The following CYGB variants were observed in gnomAD, a reference collection of about 807,000 sequenced individuals.
CYGB encodes the protein cytoglobin.
A neutral mutation model predicts 20.7 loss-of-function variants in CYGB; 13 were observed. The observed-to-expected ratio is 0.63, with a 90% confidence interval of 0.41 to 1.00. The LOEUF (loss-of-function observed/expected upper bound fraction) is 1.00, where lower values mean the gene tolerates loss of function less well. Among genes scored for constraint, CYGB ranks in the 50% least tolerant of loss-of-function variants. The pLI is 0.00. For missense variants in CYGB, 218 were observed against 257.2 expected (o/e 0.85, Z 1.04); for synonymous variants, 93 against 107.4 (o/e 0.87, Z 0.83).
chr17:76,545,488 G>A, intron 1 of CYGB: 1 of 410,664 alleles, frequency 2.4e-6, no homozygotes, highest in South Asian at 1.7e-5. Flanking sequence ...GGCAGCTAGA[G>A]AGGGAGAGCT....
chr17:76,533,822 G>A lies in CYGB; in HGVS notation c.144-2131C>T, dbSNP rs1249386330. Among the ~76,000 whole-genome samples the A allele has an allele frequency of 6.6e-6, 1 of 152,146 alleles. No individual in the cohort carries two copies. The highest frequency in any genetic ancestry group is 1.5e-5 in the Non-Finnish European group (1 of 68,028). On this transcript the variant is annotated intron_variant, in intron 1 of 3. Coordinates refer to ENST00000293230, the MANE Select transcript of CYGB (RefSeq NM_134268.5). This position sits in a 1 kb window ranked among gnomAD's most constrained non-coding sequence, Gnocchi z 4.5. ...AGGCAGGAAGATCACTTGAGGCCAGGAGTTTGAGACCAGCCTGGGCAACAT... is the reference window on the plus strand; with the variant it reads ...AGGCAGGAAGATCACTTGAGGCCAGAAGTTTGAGACCAGCCTGGGCAACAT...
Position 76,534,920 on chromosome 17 carries a change from A to C in CYGB, c.143+2480T>G, listed in dbSNP as rs143912471. Reference sequence around the variant, plus strand: ...CCTGGCTCTGCGGTGTTTCCACCTGAGACCCTCCCGGTCTCAGCCTGTGCT... The same window carrying C: ...CCTGGCTCTGCGGTGTTTCCACCTGCGACCCTCCCGGTCTCAGCCTGTGCT... On this transcript the variant is annotated intron_variant, in intron 1 of 3. Transcript: ENST00000293230. 9.7e-3 allele frequency among the ~76,000 whole-genome samples: 1,478 copies of C among 152,276 alleles called. 38 individuals carry two copies. The highest frequency in any genetic ancestry group is 0.066 in the Admixed American group (1,011 of 15,308).
At position 76,531,803 on chromosome 17, in the gene CYGB, G is replaced by T. The variant is rs184466615; in HGVS notation, c.144-112C>A. 2 of 839,214 alleles carry T rather than the reference G, an allele frequency of 2.4e-6. No individual in the cohort carries two copies. The highest frequency in any genetic ancestry group is 3.7e-6 in the Non-Finnish European group (2 of 540,226). The allele number at this position is 839,214 out of a possible 1,614,324, so 52.0% of individuals were successfully genotyped here. On this transcript the variant is annotated intron_variant, in intron 1 of 3. Transcript: ENST00000293230. This position sits in a 1 kb window ranked among gnomAD's most constrained non-coding sequence, Gnocchi z 7.4. ...GTGGACCGCAGTGCTCCCCACCCCC[G>T]CACCGTCACTGTTTTCACTACCATC... is the stretch of plus-strand genomic sequence containing the variant.
chr17:76,531,409 T>TG lies in CYGB; in HGVS notation c.375+50dup, dbSNP rs754294317. 31 of 1,571,272 alleles carry TG rather than the reference T, an allele frequency of 2.0e-5. No individual in the cohort carries two copies. The African/African-American group carries it at 3.6e-4, about 18-fold the overall frequency. ...CGTCGCAGAGCCTGCGAGCTGCAGA[T>TG]GGCCATGACGCGTGGGCGGTGGGGG... is the stretch of plus-strand genomic sequence containing the variant. On this transcript the variant is annotated intron_variant, in intron 2 of 3. Transcript: ENST00000293230. The surrounding 1 kb of genome is among the most constrained non-coding windows in gnomAD (Gnocchi z 7.4).
In CYGB at chr17:76,546,920, C is replaced by T. The variant is rs1301521581; in HGVS notation, c.-53+3942G>A. 6.6e-6 allele frequency: 1 copy of T among 152,214 alleles called. No individual in the cohort carries two copies. The highest frequency in any genetic ancestry group is 2.1e-4 in the South Asian group (1 of 4,832). The allele number at this position is 152,214 out of a possible 1,614,324, so 9.4% of individuals were successfully genotyped here. A position where few individuals can be genotyped will look rare whatever the true frequency, so the allele number is the denominator to read the frequency against. ...TCATAGCTGGCAGTGAAGCCAGGAC[C>T]TGAGCCTGGGAAATCTGACACCAAA... On this transcript the variant is annotated intron_variant, in intron 1 of 3. Coordinates refer to the CYGB transcript ENST00000589145. The surrounding 1 kb of genome is among the most constrained non-coding windows in gnomAD (Gnocchi z 4.5).
chr17:76,537,429 G>A lies in CYGB; in HGVS notation c.114C>T (p.Cys38=), dbSNP rs143617436. Residue 38 remains cysteine, a synonymous_variant, in exon 1 of 4, where the codon TGC becomes TGT. Coordinates refer to ENST00000293230, the MANE Select transcript of CYGB (RefSeq NM_134268.5). ...QAMWARLYAN[C]EDVGVAILVR... ...CCAGGATGGCCACCCCCACGTCCTC[G>A]CAGTTGGCATAGAGCCGGGCCCACA... 24 of 1,598,290 alleles carry A rather than the reference G, an allele frequency of 1.5e-5. No individual in the cohort carries two copies. The African/African-American group carries it at 3.3e-4, about 22-fold the overall frequency.
chr17:76,544,337 G>A lies in CYGB; in HGVS notation c.-53+6525C>T, dbSNP rs550804575. 1.9e-4 allele frequency: 87 copies of A among 454,494 alleles called. No individual in the cohort carries two copies. The highest frequency in any genetic ancestry group is 2.8e-4 in the Non-Finnish European group (64 of 226,860). The allele number at this position is 454,494 out of a possible 1,614,324, so 28.2% of individuals were successfully genotyped here. A position where few individuals can be genotyped will look rare whatever the true frequency, so the allele number is the denominator to read the frequency against. The stretch of plus-strand genomic sequence containing the variant: ...TTCTCTAGACAGCAGCACTTCAGCC[G>A]CCACTCTGCCTCTGAAGGGAAGGAA... On this transcript the variant is annotated intron_variant, in intron 1 of 3. Transcript: ENST00000589145.
intron 1 of CYGB, among the ~76,000 whole-genome samples, chr17:76,534,378 C>A (rs2074890912): frequency 6.6e-6 from 1 of 152,144 alleles, no homozygotes; most frequent in Non-Finnish European, 1.5e-5. Context: ...GGGGTTTCGC[C>A]ATGCTGGCCA....
chr17:76,540,227 A>T, upstream of CYGB: 1 of 850,750 alleles, frequency 1.2e-6, no homozygotes, highest in Non-Finnish European at 1.7e-6. This position sits in a 1 kb window ranked among gnomAD's most constrained non-coding sequence, Gnocchi z 5.0. Context: ...TGAGAAACTG[A>T]CCGGGCTATG....
chr17:76,536,587 T>C (rs1244348848), intron 1 of CYGB, among the ~76,000 whole-genome samples: 1 of 152,062 alleles, frequency 6.6e-6, no homozygotes, highest in East Asian at 1.9e-4. Flanking sequence ...ATAAGGATGG[T>C]GTGTGTGCTC....
intron 1 of CYGB, among the ~76,000 whole-genome samples, chr17:76,532,832 C>T (rs571055016): frequency 5.3e-5 from 8 of 152,286 alleles, no homozygotes; most frequent in South Asian, 2.1e-4. Context: ...CCACCACGCC[C>T]GGCCGACAAT....
At chr17:76,543,793 C>T in intron 1 of CYGB, 1 of 470,886 alleles carries the variant, frequency 2.1e-6, no homozygotes, top group Non-Finnish European at 4.4e-6. Flanking sequence ...TGTCATTTGC[C>T]TTTCCCCAGT....
In CYGB at chr17:76,530,950, G is replaced by A; in HGVS notation, c.539+29C>T. 6.5e-7 allele frequency: 1 copy of A among 1,541,262 alleles called. No homozygotes were observed. The highest frequency in any genetic ancestry group is 8.8e-7 in the Non-Finnish European group (1 of 1,140,270). On this transcript the variant is annotated intron_variant, in intron 3 of 3. Transcript: ENST00000293230. This position sits in a 1 kb window ranked among gnomAD's most constrained non-coding sequence, Gnocchi z 6.1. ...CAGCAGAGGACATGGCGGGGAGGCTGCCCAGCCCACCCTCGCCCGCCTCCT... is the reference window on the plus strand; with the variant it reads ...CAGCAGAGGACATGGCGGGGAGGCTACCCAGCCCACCCTCGCCCGCCTCCT...
chr17:76,543,954 T>C (rs1195128935), intron 1 of CYGB: 5 of 468,120 alleles, frequency 1.1e-5, no homozygotes, highest in Non-Finnish European at 2.2e-5. Flanking sequence ...AGCGCGTGTG[T>C]TCCAAACGGG....
rs923952401 is a variant in CYGB at position 76,533,908 on chromosome 17, G to A, written c.144-2217C>T. On this transcript the variant is annotated intron_variant, in intron 1 of 3. Coordinates refer to ENST00000293230, the MANE Select transcript of CYGB (RefSeq NM_134268.5). The surrounding 1 kb of genome is among the most constrained non-coding windows in gnomAD (Gnocchi z 4.5). Reference sequence around the variant, plus strand: ...TGGCTGGGTGTGGTGGTGCCCGTCTGTAGTCCTAGCTACTTGGGAGGCTGC... The same window carrying A: ...TGGCTGGGTGTGGTGGTGCCCGTCTATAGTCCTAGCTACTTGGGAGGCTGC... Among the ~76,000 whole-genome samples the A allele has an allele frequency of 6.6e-6, 1 of 152,032 alleles. No individual in the cohort carries two copies. The highest frequency in any genetic ancestry group is 1.5e-5 in the Non-Finnish European group (1 of 68,012).
chr17:76,540,168 C>T (rs1450090242), upstream of CYGB: 1 of 1,608,256 alleles, frequency 6.2e-7, no homozygotes, highest in Non-Finnish European at 8.5e-7. The surrounding 1 kb of genome is among the most constrained non-coding windows in gnomAD (Gnocchi z 5.0). Flanking sequence ...TCCTGCTCAG[C>T]ACCCTGGCCA....
chr17:76,533,028 G>A lies in CYGB; in HGVS notation c.144-1337C>T, dbSNP rs1051640075. On this transcript the variant is annotated intron_variant, in intron 1 of 3. Transcript: ENST00000293230. The surrounding 1 kb of genome is among the most constrained non-coding windows in gnomAD (Gnocchi z 4.5). ...CGATCAGAGAGAGCTGATAATTTGC[G>A]GAAGTAGCCCTTTGGCCAGGAGTCG... Among the ~76,000 whole-genome samples, 5 of 152,346 alleles carry A rather than the reference G, an allele frequency of 3.3e-5. No homozygotes were observed. Among genetic ancestry groups the A allele is most frequent in the East Asian group, 1.9e-4 (1 of 5,190 alleles).
At chr17:76,536,871 C>A (rs904718396) in intron 1 of CYGB, among the ~76,000 whole-genome samples, 1 of 152,208 alleles carries the variant, frequency 6.6e-6, no homozygotes, top group African/African-American at 2.4e-5. Flanking sequence ...AAGGGGGCAG[C>A]TGGGAACACT....
chr17:76,538,860 C>T (rs1007527440), upstream of CYGB, among the ~76,000 whole-genome samples: 1 of 152,256 alleles, frequency 6.6e-6, no homozygotes, highest in Non-Finnish European at 1.5e-5. Flanking sequence ...CCTGTCCTCG[C>T]TCAAGACTTG....
Sources: allele counts gnomAD v4.1 joint callset (sites outside exome capture counted in the v4.1 genomes callset), GRCh38; gene constraint gnomAD v4.1.1; non-coding constraint Gnocchi (gnomAD v3.1); transcripts MANE v1.5; gene names NCBI Gene and HGNC (gene_info 2026-07-23, HGNC 2026-07-21).